Variants in TFDP2 observed in about 807,000 individuals in gnomAD.
The protein encoded by TFDP2 is transcription factor Dp-2, also known as transcription factor Dp-2 (E2F dimerization partner 2).
Under a neutral mutation model 59.3 loss-of-function variants are expected in TFDP2, and 17 were observed. That is an observed-to-expected ratio of 0.29 (90% confidence interval 0.20 to 0.43). The LOEUF is 0.43. Among genes scored for constraint, TFDP2 ranks in the 20% least tolerant of loss-of-function variants. The pLI is 1.00. For missense variants in TFDP2, 391 were observed against 528.8 expected (o/e 0.74, Z 2.56); for synonymous variants, 180 against 194.7 (o/e 0.92, Z 0.63).
chr3:141,970,062 G>C lies in TFDP2; in HGVS notation c.732+11C>G, dbSNP rs752265299. On this transcript the variant is annotated intron_variant, in intron 9 of 12. Transcript: ENST00000489671. ...ACAGGGAAGGTAATGAAAACATCTC[G>C]GTATCTTTACCTGTAGGAGAAGTTC... 7 of 1,612,542 alleles carry C rather than the reference G, an allele frequency of 4.3e-6. No individual in the cohort carries two copies. The highest frequency in any genetic ancestry group is 5.9e-6 in the Non-Finnish European group (7 of 1,178,524).
chr3:142,060,143 T>G (rs1388469561), intron 3 of TFDP2, among the ~76,000 whole-genome samples: 1 of 152,230 alleles, frequency 6.6e-6, no homozygotes, highest in African/African-American at 2.4e-5. Flanking sequence ...TTTTACAATT[T>G]TACTGTTCTC....
At chr3:141,976,174 C>A (rs571974000) in intron 7 of TFDP2, among the ~76,000 whole-genome samples, 1 of 152,164 alleles carries the variant, frequency 6.6e-6, no homozygotes, top group Non-Finnish European at 1.5e-5. Context: ...CCACTGCACC[C>A]GGCCTATAGT....
intron 3 of TFDP2, among the ~76,000 whole-genome samples, chr3:142,028,077 G>C (rs893047461): frequency 6.6e-6 from 1 of 152,156 alleles, no homozygotes; most frequent in Non-Finnish European, 1.5e-5. Context: ...TATAAAAGCT[G>C]AAATATTTTT....
At position 142,149,497 on chromosome 3, in the gene TFDP2, G is replaced by T; in HGVS notation, c.-407C>A. On this transcript the variant is annotated 5_prime_UTR_variant, in exon 1 of 13. In the 5' UTR this introduces an upstream ATG that the reference lacks. Coordinates refer to ENST00000489671, the MANE Select transcript of TFDP2 (RefSeq NM_001178139.2). ...TCCGCCCTCTCCCTGCCCAGCTACA[G>T]CCCCGCTTCCCCCGCGCGAGCTTTG... The T allele has an allele frequency of 2.8e-6, 1 of 352,756 alleles. No individual in the cohort carries two copies. The highest frequency in any genetic ancestry group is 1.5e-4 in the South Asian group (1 of 6,640). The allele number at this position is 352,756 out of a possible 1,614,324, so 21.9% of individuals were successfully genotyped here.
intron 11 of TFDP2, among the ~76,000 whole-genome samples, chr3:141,956,900 G>A (rs910801400): frequency 6.6e-6 from 1 of 151,648 alleles, no homozygotes; most frequent in Non-Finnish European, 1.5e-5. Flanking sequence ...ACTCCAGCCT[G>A]GAGAGCAAGA....
intron 8 of TFDP2, among the ~76,000 whole-genome samples, chr3:141,971,573 T>A (rs890786114): frequency 6.6e-6 from 1 of 151,492 alleles, no homozygotes; most frequent in African/African-American, 2.4e-5. Context: ...AGAAAATTTA[T>A]AGGAGCCCAT....
chr3:142,011,454 G>T (rs1274991855), intron 3 of TFDP2, among the ~76,000 whole-genome samples: 1 of 97,492 alleles, frequency 1.0e-5, no homozygotes, highest in Non-Finnish European at 2.0e-5. Flanking sequence ...GTGGGGGGAG[G>T]GGGGAGGGAT....
chr3:142,116,188 C>G (rs1400000947), intron 1 of TFDP2, among the ~76,000 whole-genome samples: 1 of 152,044 alleles, frequency 6.6e-6, no homozygotes, highest in East Asian at 1.9e-4. Flanking sequence ...CCTTAACTCC[C>G]AAGTAGCTGG....
chr3:141,983,621 A>C (rs1310937067), intron 6 of TFDP2, among the ~76,000 whole-genome samples: 1 of 147,464 alleles, frequency 6.8e-6, no homozygotes, highest in Non-Finnish European at 1.5e-5. Flanking sequence ...AGAATGTCTC[A>C]AGAAAAAAAA....
chr3:141,961,461 T>C (rs1937355260), intron 10 of TFDP2, among the ~76,000 whole-genome samples: 1 of 152,000 alleles, frequency 6.6e-6, no homozygotes, highest in African/African-American at 2.4e-5. Context: ...GTCAGGTTGG[T>C]CTCGAACTCC....
intron 3 of TFDP2, among the ~76,000 whole-genome samples, chr3:142,055,699 A>AT (rs963788914): frequency 6.6e-6 from 1 of 151,856 alleles, no homozygotes; most frequent in Non-Finnish European, 1.5e-5. Context: ...AGGCTTTATC[A>AT]TTTTTTTTCC....
At chr3:141,973,093 G>GTGTATA (rs1457558651) in intron 8 of TFDP2, among the ~76,000 whole-genome samples, 71 of 103,154 alleles carry the variant, frequency 6.9e-4, no homozygotes, top group African/African-American at 1.9e-3. Context: ...AAAGCTATGT[G>GTGTATA]TATATATATA....
intron 11 of TFDP2, among the ~76,000 whole-genome samples, chr3:141,957,473 T>C (rs1447058941): frequency 5.3e-5 from 8 of 152,146 alleles, no homozygotes. Context: ...GGTATATGTT[T>C]TTAGAGATAA....
At chr3:142,110,880 G>A (rs546105986) in intron 1 of TFDP2, among the ~76,000 whole-genome samples, 1 of 150,946 alleles carries the variant, frequency 6.6e-6, no homozygotes, top group East Asian at 2.0e-4. Context: ...TTGAGCCCAG[G>A]AGGTAGAGGC....
chr3:142,001,996 T>G (rs1402332021), intron 4 of TFDP2, among the ~76,000 whole-genome samples: 2 of 150,724 alleles, frequency 1.3e-5, no homozygotes, highest in African/African-American at 2.4e-5. Context: ...CCTGGTTTTT[T>G]TTTTTTTTTT....
At chr3:141,960,296 A>G (rs1425284955) in intron 10 of TFDP2, among the ~76,000 whole-genome samples, 1 of 152,260 alleles carries the variant, frequency 6.6e-6, no homozygotes, top group Non-Finnish European at 1.5e-5. Context: ...CAGATAAGCA[A>G]TAAATAGAAG....
chr3:142,134,070 G>A (rs2062621484), intron 1 of TFDP2, among the ~76,000 whole-genome samples: 1 of 149,034 alleles, frequency 6.7e-6, no homozygotes, highest in Admixed American at 6.7e-5. Context: ...AAGAAAAGGA[G>A]GAAGCATTAT....
intron 1 of TFDP2, among the ~76,000 whole-genome samples, chr3:142,138,528 A>G (rs2062819170): frequency 6.6e-6 from 1 of 151,996 alleles, no homozygotes; most frequent in Non-Finnish European, 1.5e-5. Flanking sequence ...ATTTCCCTCT[A>G]CACTGCTTTA....
At chr3:142,082,411 C>T (rs1009155131) in intron 3 of TFDP2, among the ~76,000 whole-genome samples, 1 of 152,056 alleles carries the variant, frequency 6.6e-6, no homozygotes, top group African/African-American at 2.4e-5. Context: ...CCATACCACC[C>T]CTCACCCCAG....
Sources: gnomAD v4.1 joint callset for allele counts (sites outside exome capture counted in the v4.1 genomes callset) on GRCh38, gnomAD v4.1.1 for gene constraint, MANE v1.5 for transcripts, NCBI Gene and HGNC (gene_info 2026-07-23, HGNC 2026-07-21) for gene names.